TMEM232: variants seen among roughly 807,000 people sequenced by gnomAD.
TMEM232 encodes the protein transmembrane protein 232.
Under a neutral mutation model 78.8 loss-of-function variants are expected in TMEM232, and 80 were observed. The ratio of observed to expected loss-of-function variants is 1.01; its 90% CI spans 0.85 to 1.22. TMEM232 has a LOEUF of 1.22. TMEM232 is among the 50% of genes most tolerant of loss of function. TMEM232 has a pLI of 0.00. For synonymous variants in TMEM232, 297 were observed against 254.3 expected (o/e 1.17, Z -1.60); for missense variants, 881 against 742.2 (o/e 1.19, Z -2.17).
chr5:110,493,214 C>A (rs929012241), intron 12 of TMEM232, among the ~76,000 whole-genome samples: 1 of 151,522 alleles, frequency 6.6e-6, no homozygotes, highest in South Asian at 2.1e-4. Context: ...TGAAAAAACA[C>A]CATGTTCCTA....
intron 12 of TMEM232, among the ~76,000 whole-genome samples, chr5:110,518,380 C>T (rs1287518189): frequency 6.6e-6 from 1 of 152,144 alleles, no homozygotes; most frequent in Non-Finnish European, 1.5e-5. Flanking sequence ...AATTATTCTT[C>T]CATGTCTGTC....
chr5:110,620,033 A>G (rs111350606), intron 7 of TMEM232, among the ~76,000 whole-genome samples: 243 of 152,324 alleles, frequency 1.6e-3, no homozygotes, highest in Non-Finnish European at 2.8e-3. Flanking sequence ...AAACTATTCA[A>G]TTAGGTCAAC....
chr5:110,550,636 G>A (rs1292362549), intron 11 of TMEM232, among the ~76,000 whole-genome samples: 4 of 151,572 alleles, frequency 2.6e-5, no homozygotes, highest in African/African-American at 7.3e-5. Context: ...TAATAAAATA[G>A]ATATATCAAA....
chr5:110,511,080 T>C (rs370722942), intron 12 of TMEM232, among the ~76,000 whole-genome samples: 6 of 152,092 alleles, frequency 3.9e-5, no homozygotes. Flanking sequence ...TAAAGAAAAT[T>C]TGGCACATAT....
chr5:110,538,716 G>T (rs1233553881), intron 11 of TMEM232, among the ~76,000 whole-genome samples: 3 of 152,134 alleles, frequency 2.0e-5, no homozygotes, highest in African/African-American at 7.2e-5. Context: ...AAGACCGAAG[G>T]GGCCTGGGGT....
At chr5:110,673,153 G>A (rs1449613650) in intron 1 of TMEM232, among the ~76,000 whole-genome samples, 3 of 152,100 alleles carry the variant, frequency 2.0e-5, no homozygotes, top group Admixed American at 2.0e-4. Flanking sequence ...GTCCTTTGTA[G>A]GGACATGGGT....
intron 12 of TMEM232, among the ~76,000 whole-genome samples, chr5:110,475,185 A>G (rs1035479654): frequency 7.2e-5 from 11 of 151,932 alleles, no homozygotes; most frequent in Non-Finnish European, 1.6e-4. Context: ...CCAAATATAT[A>G]CAGTTATGCC....
chr5:110,699,799 G>A lies in TMEM232; in HGVS notation c.-13+26828C>T, dbSNP rs534151536. Among the ~76,000 whole-genome samples the A allele has an allele frequency of 7.4e-4, 112 of 152,024 alleles. 1 individual carries two copies. The South Asian group carries it at 0.013, about 18-fold the overall frequency. On this transcript the variant is annotated intron_variant, in intron 1 of 13. Transcript: ENST00000455884. ...CACTCCCTCCTCCACCACCCTCTGA[G>A]GTTTTAGCAGCACTCTTTAGAGAAA...
At chr5:110,690,624 G>A (rs1283898414) in intron 1 of TMEM232, among the ~76,000 whole-genome samples, 3 of 152,128 alleles carry the variant, frequency 2.0e-5, no homozygotes, top group Non-Finnish European at 4.4e-5. Context: ...CCATTACTGG[G>A]TATATACCCA....
intron 2 of TMEM232, among the ~76,000 whole-genome samples, chr5:110,733,443 T>G (rs1798868977): frequency 6.6e-6 from 1 of 152,172 alleles, no homozygotes; most frequent in African/African-American, 2.4e-5. Context: ...GGAATCAACC[T>G]AAATGCCCAT....
rs115691404 is a variant in TMEM232, at chr5:110,616,926, T to C, written c.902+1503A>G. On this transcript the variant is annotated intron_variant, in intron 8 of 13. Coordinates refer to ENST00000455884, the MANE Select transcript of TMEM232 (RefSeq NM_001039763.4). The stretch of plus-strand genomic sequence containing the variant: ...ATATGATCTAACAATCCCACTTCTA[T>C]GTACATATCCCAAAAAAGTGAAATC... Among the ~76,000 whole-genome samples, 337 of 152,300 alleles carry C rather than the reference T, an allele frequency of 2.2e-3. 2 individuals are homozygous for C. The highest frequency in any genetic ancestry group is 7.7e-3 in the African/African-American group (321 of 41,568).
chr5:110,411,714 T>G (rs897270561), intron 2 of TMEM232, among the ~76,000 whole-genome samples: 1 of 152,204 alleles, frequency 6.6e-6, no homozygotes, highest in Non-Finnish European at 1.5e-5. Context: ...ATAGTCTTAT[T>G]TCACTGAGAA....
chr5:110,725,798 AC>A (rs1197226114), intron 1 of TMEM232: 10 of 152,160 alleles, frequency 6.6e-5, no homozygotes, highest in Non-Finnish European at 1.2e-4. Context: ...TGAGGTTGAA[AC>A]TGTATACTTT....
intron 1 of TMEM232, among the ~76,000 whole-genome samples, chr5:110,705,688 C>A (rs1795849109): frequency 7.8e-6 from 1 of 127,556 alleles, no homozygotes; most frequent in Admixed American, 8.4e-5. Context: ...AAGCACCCTG[C>A]ATATACAGTA....
intron 12 of TMEM232, among the ~76,000 whole-genome samples, chr5:110,450,081 C>A (rs1760100057): frequency 6.6e-6 from 1 of 152,042 alleles, no homozygotes; most frequent in African/African-American, 2.4e-5. Flanking sequence ...TGGCACTTCC[C>A]TCTTTCCTCT....
chr5:110,513,628 A>C (rs76571884), intron 12 of TMEM232, among the ~76,000 whole-genome samples: 2,802 of 152,260 alleles, frequency 0.018, 66 homozygotes, highest in African/African-American at 0.053. Context: ...ATGCAAATCA[A>C]AACTACAGGT....
intron 2 of TMEM232, among the ~76,000 whole-genome samples, chr5:110,663,128 T>C (rs115348111): frequency 6.6e-6 from 1 of 152,018 alleles, no homozygotes; most frequent in Non-Finnish European, 1.5e-5. Context: ...TGAAAATAAT[T>C]GAAATGTCCA....
chr5:110,465,858 A>C (rs1429814411), intron 12 of TMEM232, among the ~76,000 whole-genome samples: 2 of 152,160 alleles, frequency 1.3e-5, no homozygotes, highest in African/African-American at 4.8e-5. Context: ...TTAGTTCTCC[A>C]ATATTTATTG....
Position 110,570,417 on chromosome 5 carries a change from T to A in TMEM232, c.1277-1792A>T, listed in dbSNP as rs371558906. On this transcript the variant is annotated intron_variant, in intron 10 of 13. Transcript: ENST00000455884. ...AAGATAATCTGTATCTTCAAGTAAT[T>A]GGCAAGTCTGGGACATGAGAATAAT... 7.2e-5 allele frequency among the ~76,000 whole-genome samples: 11 copies of A among 152,080 alleles called. No individual in the cohort carries two copies. In the East Asian group the frequency reaches 7.8e-4, roughly 11 times the overall value.
Sources: allele counts gnomAD v4.1 joint callset (sites outside exome capture counted in the v4.1 genomes callset), GRCh38; gene constraint gnomAD v4.1.1; transcripts MANE v1.5; gene names NCBI Gene and HGNC (gene_info 2026-07-23, HGNC 2026-07-21).